SBF2: variants seen among roughly 807,000 people sequenced by gnomAD.
SBF2 encodes SET binding factor 2.
In SBF2, 112 loss-of-function variants were observed where a neutral mutation model predicts 225.2. That is an observed-to-expected ratio of 0.50 (90% CI 0.43 to 0.58). SBF2 has a LOEUF of 0.58. SBF2 is among the 20% of genes least tolerant of loss of function. SBF2 has a pLI of 0.00. For missense variants in SBF2, 1,996 were observed against 2,206.2 expected (o/e 0.90, Z 1.91); for synonymous variants, 763 against 773.3 (o/e 0.99, Z 0.22).
chr11:10,040,727 G>A (rs1203307536), intron 3 of SBF2, among the ~76,000 whole-genome samples: 1 of 151,360 alleles, frequency 6.6e-6, no homozygotes, highest in Non-Finnish European at 1.5e-5. Flanking sequence ...AAAGAATTTA[G>A]GTGTGTGTGT....
chr11:9,785,388 T>C, intron 36 of SBF2, 70 bp from the exon 37 acceptor site: 3 of 1,252,708 alleles, frequency 2.4e-6, no homozygotes, highest in Non-Finnish European at 3.5e-6. Flanking sequence ...AAATTTCATT[T>C]ACAAATATTT....
intron 1 of SBF2, among the ~76,000 whole-genome samples, chr11:10,261,107 G>C (rs1961387265): frequency 1.3e-5 from 2 of 152,168 alleles, no homozygotes; most frequent in Admixed American, 6.5e-5. Context: ...ATCACAATGA[G>C]ATACTAGTAC....
At chr11:10,053,225 T>C (rs1021397711) in intron 2 of SBF2, among the ~76,000 whole-genome samples, 1 of 152,180 alleles carries the variant, frequency 6.6e-6, no homozygotes, top group Non-Finnish European at 1.5e-5. Flanking sequence ...ATGTTTATAA[T>C]TTTTTATAAT....
At chr11:9,837,206 G>A (rs1855782285) in intron 26 of SBF2, among the ~76,000 whole-genome samples, 1 of 152,158 alleles carries the variant, frequency 6.6e-6, no homozygotes, top group Non-Finnish European at 1.5e-5. Flanking sequence ...TCTAAGATAA[G>A]TAATTTCCTG....
At chr11:10,084,696 C>T (rs1418440517) in intron 2 of SBF2, among the ~76,000 whole-genome samples, 12 of 152,170 alleles carry the variant, frequency 7.9e-5, no homozygotes, top group Non-Finnish European at 1.3e-4. Flanking sequence ...TGTCCATCAA[C>T]GGATGACTGG....
At chr11:10,277,959 CA>C (rs1963098154) in intron 1 of SBF2, among the ~76,000 whole-genome samples, 2 of 152,184 alleles carry the variant, frequency 1.3e-5, no homozygotes, top group African/African-American at 4.8e-5. Context: ...TTTGTTATGG[CA>C]ACCCCAAGAA....
Position 9,853,719 on chromosome 11 carries a change from C to T in SBF2, c.2364-7G>A, listed in dbSNP as rs1857122946. ...AGCTACACTTCCTGCAATACTAAGA[C>T]AGTCAAGGAAAGAAATCATGGTCAG... On this transcript the variant is annotated splice_polypyrimidine_tract_variant and splice_region_variant and intron_variant, in intron 19 of 39. Coordinates refer to ENST00000256190, the MANE Select transcript of SBF2 (RefSeq NM_030962.4). 1 of 1,613,354 alleles carries T rather than the reference C, an allele frequency of 6.2e-7. No homozygotes were observed. The highest frequency in any genetic ancestry group is 1.3e-5 in the African/African-American group (1 of 74,882).
intron 2 of SBF2, among the ~76,000 whole-genome samples, chr11:10,185,259 T>C (rs1467502167): frequency 6.6e-6 from 1 of 152,192 alleles, no homozygotes; most frequent in Non-Finnish European, 1.5e-5. Context: ...AATCCCAGCT[T>C]TCAGTTCTTT....
At chr11:9,899,365 A>G (rs893373875) in intron 16 of SBF2, among the ~76,000 whole-genome samples, 5 of 150,706 alleles carry the variant, frequency 3.3e-5, no homozygotes, top group East Asian at 1.9e-4. Flanking sequence ...CTGGCCAGGT[A>G]TGATGGTGCA....
rs117107002 is a variant in SBF2 at position 9,998,633 on chromosome 11, T to A, written c.862-254A>T. Reference sequence around the variant, plus strand: ...GAAGTGACATGTGTTTTCCTGTCCTTCAAGACAGGGGATATGTAAAGCTCT... The same window carrying A: ...GAAGTGACATGTGTTTTCCTGTCCTACAAGACAGGGGATATGTAAAGCTCT... On this transcript the variant is annotated intron_variant, in intron 8 of 39. Transcript: ENST00000256190. Among the ~76,000 whole-genome samples the A allele has an allele frequency of 0.014, 2,194 of 152,304 alleles. 34 individuals carry two copies. Among genetic ancestry groups the A allele is most frequent in the South Asian group, 0.035 (170 of 4,830 alleles).
intron 2 of SBF2, among the ~76,000 whole-genome samples, chr11:10,182,916 GCACGCGCCACCA>G (rs1460335873): frequency 6.6e-6 from 1 of 152,016 alleles, no homozygotes; most frequent in Non-Finnish European, 1.5e-5. Context: ...TGGGACTATA[GCACGCGCCACCA>G]CGCCCAGCTA....
intron 1 of SBF2, among the ~76,000 whole-genome samples, chr11:10,256,531 ATAAC>A (rs941054807): frequency 3.1e-4 from 47 of 152,360 alleles, no homozygotes; most frequent in Non-Finnish European, 5.7e-4. Context: ...ATAACAAAGC[ATAAC>A]AACTGATACA....
At position 9,812,701 on chromosome 11, in the gene SBF2, T is replaced by C. The variant is rs1458939189; in HGVS notation, c.3986A>G (p.Lys1329Arg). ...FGEKSQLRNF[K>R]VEFALNCEFV... is the part of the protein sequence containing the mutation. ...CTCACAATTTAAAGCAAATTCTACC[T>C]TGAAGTTCTGCGGATGAAGATTCAG... The change falls in exon 30 of 40, where the codon AAG (lysine) becomes AGG (arginine). Residue 1329 changes from lysine (K) to arginine (R), a missense_variant. Physicochemically the swap from Lys to Arg is conservative, Grantham distance 26. Coordinates refer to ENST00000256190, the MANE Select transcript of SBF2 (RefSeq NM_030962.4). 8 of 1,613,998 alleles carry C rather than the reference T, an allele frequency of 5.0e-6. No homozygotes were observed. Among genetic ancestry groups the C allele is most frequent in the South Asian group, 4.4e-5 (4 of 91,080 alleles).
At chr11:10,253,118 C>CAAAAAAAA (rs546522229) in intron 1 of SBF2, among the ~76,000 whole-genome samples, 9 of 77,246 alleles carry the variant, frequency 1.2e-4, no homozygotes, top group East Asian at 4.0e-4. Flanking sequence ...AGGTAAATAC[C>CAAAAAAAA]AAAAAAAAAA....
At chr11:10,108,848 G>C (rs1590974050) in intron 2 of SBF2, among the ~76,000 whole-genome samples, 1 of 151,798 alleles carries the variant, frequency 6.6e-6, no homozygotes, top group Non-Finnish European at 1.5e-5. Context: ...TAAGGGGACT[G>C]TATGTACCAG....
At chr11:9,800,879 C>T (rs1045978867) in intron 32 of SBF2, among the ~76,000 whole-genome samples, 4 of 152,036 alleles carry the variant, frequency 2.6e-5, no homozygotes, top group African/African-American at 9.7e-5. Flanking sequence ...TCTGTAGTGA[C>T]GTCATCTTTC....
At chr11:10,043,582 C>CT (rs34817330) in intron 2 of SBF2, among the ~76,000 whole-genome samples, 71 of 150,760 alleles carry the variant, frequency 4.7e-4, no homozygotes, top group East Asian at 3.9e-4. Flanking sequence ...ACAACACTTT[C>CT]TTTTTTTTTT....
chr11:10,019,009 T>C (rs1377275981), intron 6 of SBF2, among the ~76,000 whole-genome samples: 3 of 152,172 alleles, frequency 2.0e-5, no homozygotes, highest in African/African-American at 7.2e-5. Flanking sequence ...TTGCTCTTGG[T>C]ATCTCTATTA....
intron 1 of SBF2, among the ~76,000 whole-genome samples, chr11:10,231,527 G>A (rs1361544359): frequency 6.6e-6 from 1 of 152,152 alleles, no homozygotes; most frequent in East Asian, 1.9e-4. Flanking sequence ...CCTTCTAACA[G>A]TCAGGACCCT....
Sources: gnomAD v4.1 joint callset for allele counts (sites outside exome capture counted in the v4.1 genomes callset) on GRCh38, gnomAD v4.1.1 for gene constraint, MANE v1.5 for transcripts, NCBI Gene and HGNC (gene_info 2026-07-23, HGNC 2026-07-21) for gene names.